The following CD99L2 variants were observed in gnomAD, a reference collection of about 807,000 sequenced individuals.
The protein encoded by CD99L2 is CD99 molecule like 2, also known as CD99 antigen-like protein 2.
A neutral mutation model predicts 27.3 loss-of-function variants in CD99L2; 24 were observed. That is an observed-to-expected ratio of 0.88 (90% CI 0.64 to 1.24). CD99L2 has a LOEUF of 1.24. Ranked by LOEUF, CD99L2 falls within the 50% of genes most tolerant of loss-of-function variation. The probability of loss-of-function intolerance (pLI) is 0.00; values close to 1 mark genes in which losing one functional copy is unlikely to be tolerated. For missense variants in CD99L2, 255 were observed against 221.6 expected (o/e 1.15, Z -0.96); for synonymous variants, 97 against 87.9 (o/e 1.10, Z -0.58).
chrX:150,866,543 A>G (rs1023550538), intron 1 of CD99L2, among the ~76,000 whole-genome samples: 1 of 108,657 alleles, frequency 9.2e-6, no homozygotes, highest in African/African-American at 3.4e-5. Flanking sequence ...GAACAGCCTA[A>G]GCAAAATAAC....
At chrX:150,824,307 G>A (rs185490524) in intron 2 of CD99L2, among the ~76,000 whole-genome samples, 2,623 of 52,441 alleles carry the variant, frequency 0.05, 251 homozygotes, top group African/African-American at 0.17. Flanking sequence ...AAGAAGAAGA[G>A]GAGGAGGAGG....
At chrX:150,770,747 G>A (rs2043435018) in intron 9 of CD99L2, among the ~76,000 whole-genome samples, 1 of 112,949 alleles carries the variant, frequency 8.9e-6, no homozygotes, top group East Asian at 2.8e-4. Flanking sequence ...GGGGGCCAGG[G>A]AGCCAATCGC....
At chrX:150,897,841 G>T (rs1180214831) in intron 1 of CD99L2, among the ~76,000 whole-genome samples, 1 of 110,828 alleles carries the variant, frequency 9.0e-6, no homozygotes, top group Non-Finnish European at 1.9e-5. Flanking sequence ...CGGGGGCGGG[G>T]CGTGAGATGC....
intron 3 of CD99L2, 85 bp from the exon 4 acceptor site, chrX:150,815,021 G>A (rs2124181263): frequency 1.1e-6 from 1 of 952,139 alleles, no homozygotes; most frequent in Non-Finnish European, 1.5e-6. Flanking sequence ...AATGCCCATG[G>A]GTTCAACTGA....
At chrX:150,785,418 G>C (rs1385004602) in intron 7 of CD99L2, among the ~76,000 whole-genome samples, 2 of 111,492 alleles carry the variant, frequency 1.8e-5, no homozygotes, top group Non-Finnish European at 3.8e-5. Flanking sequence ...TCTTATTTTT[G>C]TAACACATGT....
intron 4 of CD99L2, among the ~76,000 whole-genome samples, chrX:150,795,936 C>A (rs782367204): frequency 8.9e-6 from 1 of 112,650 alleles, no homozygotes; most frequent in South Asian, 3.7e-4. Flanking sequence ...AAAGTGCTTA[C>A]AACACACACA....
chrX:150,883,771 T>C (rs1270037309), intron 1 of CD99L2, among the ~76,000 whole-genome samples: 4 of 111,188 alleles, frequency 3.6e-5, no homozygotes, highest in African/African-American at 1.3e-4. Context: ...TGAGTATTAG[T>C]AGAAAAAGAA....
In CD99L2 at chrX:150,768,346, A is replaced by C. The variant is rs2043345843; in HGVS notation, c.*688T>G. The stretch of plus-strand genomic sequence containing the variant: ...TACGAATTGCTTCATACTTATCCGG[A>C]AGATTCCTAAGCTCTCAAGGCAGGA... On this transcript the variant is annotated 3_prime_UTR_variant, in exon 11 of 11. Coordinates refer to ENST00000370377, the MANE Select transcript of CD99L2 (RefSeq NM_031462.4). The C allele has an allele frequency of 8.9e-6, 1 of 112,661 alleles. No homozygotes were observed. The highest frequency in any genetic ancestry group is 1.9e-5 in the Non-Finnish European group (1 of 53,351). 9.3% of individuals were successfully genotyped at this position (112,661 alleles called of 1,213,427 possible).
intron 1 of CD99L2, among the ~76,000 whole-genome samples, chrX:150,876,051 C>G (rs564285180): frequency 1.8e-5 from 2 of 112,242 alleles, no homozygotes; most frequent in Middle Eastern, 9.2e-3. Flanking sequence ...GTTGTGGTGT[C>G]AATAGTTTGT....
intron 1 of CD99L2, among the ~76,000 whole-genome samples, chrX:150,874,783 G>A (rs912652259): frequency 6.3e-5 from 7 of 111,967 alleles, no homozygotes; most frequent in Non-Finnish European, 9.4e-5. Flanking sequence ...CTACTTGGTG[G>A]CCTTCACTGA....
intron 2 of CD99L2, among the ~76,000 whole-genome samples, chrX:150,819,489 C>T (rs1352133534): frequency 1.8e-5 from 2 of 110,666 alleles, no homozygotes; most frequent in African/African-American, 6.6e-5. Context: ...GCAAACTAAA[C>T]CTAAAGCAGG....
At position 150,898,311 on chromosome X, in the gene CD99L2, C is replaced by A. The variant is rs1398600622; in HGVS notation, c.67+211G>T. The stretch of plus-strand genomic sequence containing the variant: ...GCCCAGCGTCAGGAGGGGACCCACC[C>A]CTCCTCTCCGGCTACTCCGACCGCG... On this transcript the variant is annotated intron_variant, in intron 1 of 10. Coordinates refer to ENST00000370377, the MANE Select transcript of CD99L2 (RefSeq NM_031462.4). Among the ~76,000 whole-genome samples, 3 of 112,176 alleles carry A rather than the reference C, an allele frequency of 2.7e-5. No individual in the cohort carries two copies. In the East Asian group the frequency reaches 8.7e-4, roughly 32 times the overall value.
chrX:150,839,455 G>A (rs1163472707), intron 1 of CD99L2, among the ~76,000 whole-genome samples: 1 of 111,929 alleles, frequency 8.9e-6, no homozygotes, highest in African/African-American at 3.2e-5. Context: ...GTTAAATTAG[G>A]TCTGTAGACC....
chrX:150,774,491 T>C (rs2043515072), intron 9 of CD99L2, among the ~76,000 whole-genome samples: 1 of 112,002 alleles, frequency 8.9e-6, no homozygotes, highest in Non-Finnish European at 1.9e-5. Flanking sequence ...GATTGAGCTG[T>C]GTCCCAGAAT....
At chrX:150,816,685 T>C (rs1383071284) in intron 2 of CD99L2, among the ~76,000 whole-genome samples, 1 of 109,490 alleles carries the variant, frequency 9.1e-6, no homozygotes, top group Non-Finnish European at 1.9e-5. Context: ...GACCCAGCCA[T>C]CCCATTACTG....
chrX:150,885,041 G>A, intron 1 of CD99L2, among the ~76,000 whole-genome samples: 1 of 111,687 alleles, frequency 9.0e-6, no homozygotes, highest in African/African-American at 3.3e-5. Context: ...TTTCTACAAG[G>A]TTAGAAGACA....
At chrX:150,838,298 T>C (rs1444863171) in intron 1 of CD99L2, among the ~76,000 whole-genome samples, 5 of 111,811 alleles carry the variant, frequency 4.5e-5, no homozygotes, top group African/African-American at 1.6e-4. Context: ...GGATCCTGGA[T>C]TGGATTCTGG....
chrX:150,803,191 G>T (rs1163270418), intron 4 of CD99L2, among the ~76,000 whole-genome samples: 2 of 111,664 alleles, frequency 1.8e-5, no homozygotes, highest in Non-Finnish European at 3.8e-5. Flanking sequence ...ACCATGCCCG[G>T]CTAGAAAAGA....
At chrX:150,777,808 G>A (rs972875326) in intron 7 of CD99L2, among the ~76,000 whole-genome samples, 1 of 111,880 alleles carries the variant, frequency 8.9e-6, no homozygotes, top group Non-Finnish European at 1.9e-5. Flanking sequence ...CTGCACTAGC[G>A]GCCTCACCAT....
Sources: gnomAD v4.1 joint callset for allele counts (sites outside exome capture counted in the v4.1 genomes callset) on GRCh38, gnomAD v4.1.1 for gene constraint, MANE v1.5 for transcripts, NCBI Gene and HGNC (gene_info 2026-07-23, HGNC 2026-07-21) for gene names.